Variants in RETREG1 observed in about 807,000 individuals in gnomAD.
RETREG1 encodes the protein reticulophagy regulator 1.
A neutral mutation model predicts 54.8 loss-of-function variants in RETREG1; 44 were observed. That is an observed-to-expected ratio of 0.80 (90% CI 0.63 to 1.03). The LOEUF (loss-of-function observed/expected upper bound fraction) is 1.03, where lower values mean the gene tolerates loss of function less well. RETREG1 is among the 50% of genes least tolerant of loss of function. The pLI is 0.00. For missense variants in RETREG1, 554 were observed against 605.1 expected (o/e 0.92, Z 0.89); for synonymous variants, 217 against 238.5 (o/e 0.91, Z 0.83).
intron 3 of RETREG1, among the ~76,000 whole-genome samples, chr5:16,487,533 A>G (rs922964455): frequency 9.2e-5 from 14 of 152,228 alleles, no homozygotes; most frequent in African/African-American, 3.1e-4. Flanking sequence ...CAGCCTCTAC[A>G]TGGCCATGCC....
intron 3 of RETREG1, among the ~76,000 whole-genome samples, chr5:16,543,057 T>G (rs1427277972): frequency 6.6e-6 from 1 of 152,230 alleles, no homozygotes; most frequent in Non-Finnish European, 1.5e-5. Flanking sequence ...GTTTGCACTT[T>G]TAGAATTTCA....
At chr5:16,600,386 G>A (rs970433780) in intron 1 of RETREG1, among the ~76,000 whole-genome samples, 3 of 152,176 alleles carry the variant, frequency 2.0e-5, no homozygotes, top group Non-Finnish European at 4.4e-5. Flanking sequence ...CCTCCACCCC[G>A]ACAGAAGTAG....
At chr5:16,534,380 G>A (rs1740997526) in intron 3 of RETREG1, among the ~76,000 whole-genome samples, 1 of 152,202 alleles carries the variant, frequency 6.6e-6, no homozygotes, top group Admixed American at 6.5e-5. Context: ...TAAGAACTGA[G>A]ATGCAAGGTA....
intron 3 of RETREG1, among the ~76,000 whole-genome samples, chr5:16,548,134 A>C (rs1427831045): frequency 6.6e-6 from 1 of 152,226 alleles, no homozygotes. Flanking sequence ...TAATGTAAAA[A>C]AATTCATATC....
intron 3 of RETREG1, among the ~76,000 whole-genome samples, chr5:16,501,463 C>T (rs1272460131): frequency 6.6e-6 from 1 of 152,196 alleles, no homozygotes; most frequent in East Asian, 1.9e-4. Flanking sequence ...TGTAGAAGAG[C>T]TATTTATCAA....
chr5:16,568,465 G>A (rs946384134), intron 2 of RETREG1, among the ~76,000 whole-genome samples: 2 of 152,070 alleles, frequency 1.3e-5, no homozygotes, highest in Non-Finnish European at 2.9e-5. Context: ...TAGAGACAGG[G>A]TTTCACCATG....
intron 3 of RETREG1, 114 bp from the exon 4 acceptor site, chr5:16,483,586 G>T: frequency 8.9e-7 from 1 of 1,122,998 alleles, no homozygotes; most frequent in Non-Finnish European, 1.3e-6. Context: ...CTCTGGAAAA[G>T]CCCTGTGAAT....
rs757589129 is a variant in RETREG1, at chr5:16,475,232, G to C, written c.1003C>G (p.Leu335Val). ...YTPQTDTSDD[L>V]DRPSEEVFSR... The stretch of plus-strand genomic sequence containing the variant: ...AAAACTTCCTCACTGGGTCGGTCAA[G>C]ATCTGTGAAATGGATAACAGAAGTT... Residue 335 changes from leucine (L) to valine (V), a missense_variant and splice_region_variant, in exon 9 of 9, where the codon CTT becomes GTT. Around this residue, in one of 4 missense-constraint regions of RETREG1, gnomAD observed 347 missense variants for 412.3 expected, o/e 0.84. Coordinates refer to ENST00000306320, the MANE Select transcript of RETREG1 (RefSeq NM_001034850.3). 1.4e-5 allele frequency: 23 copies of C among 1,611,292 alleles called. No individual in the cohort carries two copies.
intron 1 of RETREG1, among the ~76,000 whole-genome samples, chr5:16,609,660 G>C (rs766376213): frequency 6.6e-6 from 1 of 152,140 alleles, no homozygotes; most frequent in Non-Finnish European, 1.5e-5. Flanking sequence ...AAACGAGACA[G>C]GACAGCGGTG....
intron 2 of RETREG1, among the ~76,000 whole-genome samples, chr5:16,566,032 T>C (rs779568571): frequency 5.3e-5 from 8 of 152,186 alleles, no homozygotes; most frequent in South Asian, 2.1e-4. Context: ...CCGTGGGAGA[T>C]AGGACACTCT....
chr5:16,556,316 C>G (rs955289311), intron 3 of RETREG1, among the ~76,000 whole-genome samples: 9 of 152,100 alleles, frequency 5.9e-5, no homozygotes, highest in Non-Finnish European at 1.2e-4. Flanking sequence ...CCGCCACGCC[C>G]GGCTAATTTT....
chr5:16,543,413 C>T (rs1300288332), intron 3 of RETREG1, among the ~76,000 whole-genome samples: 6 of 152,148 alleles, frequency 3.9e-5, no homozygotes, highest in Admixed American at 6.5e-5. Flanking sequence ...AGGTGACTCA[C>T]GCCTGTAATC....
chr5:16,528,531 G>C (rs942286461), intron 3 of RETREG1, among the ~76,000 whole-genome samples: 5 of 152,156 alleles, frequency 3.3e-5, no homozygotes, highest in Non-Finnish European at 5.9e-5. Context: ...AGGAGCAAAA[G>C]AAAGATTAGG....
In RETREG1 at chr5:16,528,483, A is replaced by T. The variant is rs114013062; in HGVS notation, c.458+37280T>A. ...GATATATATTCCACCTGCCTGGGAC[A>T]GGAGTCAGCTCTGGATGACATGGAG... is the stretch of plus-strand genomic sequence containing the variant. On this transcript the variant is annotated intron_variant, in intron 3 of 8. Coordinates refer to ENST00000306320, the MANE Select transcript of RETREG1 (RefSeq NM_001034850.3). 3.5e-3 allele frequency among the ~76,000 whole-genome samples: 539 copies of T among 152,250 alleles called. 3 individuals carry two copies. The highest frequency in any genetic ancestry group is 0.013 in the African/African-American group (523 of 41,542).
chr5:16,501,535 T>TC (rs1739713542), intron 3 of RETREG1, among the ~76,000 whole-genome samples: 1 of 152,056 alleles, frequency 6.6e-6, no homozygotes, highest in Non-Finnish European at 1.5e-5. Flanking sequence ...ATTTATTTTT[T>TC]TATTTTTATT....
chr5:16,474,721 G>A lies in RETREG1; in HGVS notation c.*20C>T, dbSNP rs770958679. The A allele has an allele frequency of 1.4e-6, 2 of 1,451,480 alleles. No individual in the cohort carries two copies. Among genetic ancestry groups the A allele is most frequent in the Non-Finnish European group, 1.8e-6 (2 of 1,096,064 alleles). The allele number at this position is 1,451,480 out of a possible 1,614,324, so 89.9% of individuals were successfully genotyped here. The stretch of plus-strand genomic sequence containing the variant: ...ATTTTTTTGGTGTTTTTTGTGCTCT[G>A]TTGCAAGCTGATTCCTAGATTAATG... On this transcript the variant is annotated 3_prime_UTR_variant, in exon 9 of 9. Coordinates refer to ENST00000306320, the MANE Select transcript of RETREG1 (RefSeq NM_001034850.3).
intron 3 of RETREG1, among the ~76,000 whole-genome samples, chr5:16,530,831 C>T (rs1360569586): frequency 6.6e-6 from 1 of 151,224 alleles, no homozygotes; most frequent in Non-Finnish European, 1.5e-5. Context: ...CACTGCACTC[C>T]AGCCTGGGAG....
intron 3 of RETREG1, among the ~76,000 whole-genome samples, chr5:16,564,879 G>A (rs1047661059): frequency 6.6e-6 from 1 of 152,180 alleles, no homozygotes; most frequent in Admixed American, 6.5e-5. Context: ...TTCCAAAGGT[G>A]CGTTACATAA....
intron 1 of RETREG1, among the ~76,000 whole-genome samples, chr5:16,573,062 A>G (rs1040148481): frequency 6.6e-6 from 1 of 151,686 alleles, no homozygotes; most frequent in Non-Finnish European, 1.5e-5. Flanking sequence ...GTGCGCCTGC[A>G]GTCCCAGCTA....
Sources: allele counts gnomAD v4.1 joint callset (sites outside exome capture counted in the v4.1 genomes callset), GRCh38; gene constraint gnomAD v4.1.1; regional missense constraint gnomAD v4.1.1; transcripts MANE v1.5; gene names NCBI Gene and HGNC (gene_info 2026-07-23, HGNC 2026-07-21).